LIN9: variants seen among roughly 807,000 people sequenced by gnomAD.
LIN9 encodes protein lin-9 homolog.
In LIN9, 18 loss-of-function variants were observed where a neutral mutation model predicts 78.0. The ratio of observed to expected loss-of-function variants is 0.23; its 90% confidence interval spans 0.16 to 0.34. The LOEUF is 0.34. Ranked by LOEUF, LIN9 falls within the 10% of genes least tolerant of loss-of-function variation. The pLI is 1.00. For missense variants in LIN9, 451 were observed against 644.1 expected (o/e 0.70, Z 3.25); for synonymous variants, 192 against 215.2 (o/e 0.89, Z 0.94).
intron 1 of LIN9, among the ~76,000 whole-genome samples, chr1:226,304,976 G>C (rs1203475053): frequency 1.3e-5 from 2 of 151,998 alleles, no homozygotes; most frequent in African/African-American, 4.8e-5. Context: ...AATGACTTGA[G>C]GGCAGGAGTT....
At chr1:226,236,984 T>C (rs1411173863) in intron 12 of LIN9, among the ~76,000 whole-genome samples, 1 of 152,234 alleles carries the variant, frequency 6.6e-6, no homozygotes, top group Non-Finnish European at 1.5e-5. Context: ...TAAATACATG[T>C]TGATGTATCT....
At position 226,265,205 on chromosome 1, in the gene LIN9, T is replaced by C. The variant is rs1012377276; in HGVS notation, c.1038+328A>G. Among the ~76,000 whole-genome samples, 3 of 152,196 alleles carry C rather than the reference T, an allele frequency of 2.0e-5. No individual in the cohort carries two copies. Among genetic ancestry groups the C allele is most frequent in the African/African-American group, 7.2e-5 (3 of 41,460 alleles). Reference sequence around the variant, plus strand: ...TGAACTGACTGATGATGGCAGAATATGCTGAGGTTACTAAATAAAAGCCTT... The same window carrying C: ...TGAACTGACTGATGATGGCAGAATACGCTGAGGTTACTAAATAAAAGCCTT... On this transcript the variant is annotated intron_variant, in intron 10 of 14. Coordinates refer to ENST00000681046, the MANE Select transcript of LIN9 (RefSeq NM_001366245.2). The surrounding 1 kb of genome is among the most constrained non-coding windows in gnomAD (Gnocchi z 4.1).
At position 226,303,232 on chromosome 1, in the gene LIN9, T is replaced by A. The variant is rs540989086; in HGVS notation, c.32-2027A>T. The stretch of plus-strand genomic sequence containing the variant: ...ACTCACTGAATATGTAGAGTACTGA[T>A]GGCATGCCAGTCCCTACCTGCTCTA... On this transcript the variant is annotated intron_variant, in intron 1 of 14. Transcript: ENST00000681046. Among the ~76,000 whole-genome samples, 12 of 152,316 alleles carry A rather than the reference T, an allele frequency of 7.9e-5. No homozygotes were observed. The South Asian group carries it at 1.7e-3, about 21-fold the overall frequency.
At chr1:226,234,823 T>C (rs1657578471) in intron 12 of LIN9, among the ~76,000 whole-genome samples, 1 of 152,046 alleles carries the variant, frequency 6.6e-6, no homozygotes, top group Non-Finnish European at 1.5e-5. Context: ...GCCACAGGGT[T>C]CACTCTAGTC....
In LIN9 at chr1:226,287,647, T is replaced by G. The variant is rs773142638; in HGVS notation, c.398+17A>C. The G allele has an allele frequency of 4.0e-6, 6 of 1,487,642 alleles. No individual in the cohort carries two copies. Among genetic ancestry groups the G allele is most frequent in the Non-Finnish European group, 5.4e-6 (6 of 1,112,774 alleles). 92.2% of individuals were successfully genotyped at this position (1,487,642 alleles called of 1,614,324 possible). On this transcript the variant is annotated intron_variant, in intron 5 of 14. Transcript: ENST00000681046. The stretch of plus-strand genomic sequence containing the variant: ...TCTGATTCAAGTAATATTCATAATA[T>G]AAGCCATGATACATACTTATCTATA...
chr1:226,266,464 A>G, intron 8 of LIN9, 132 bp from the exon 9 acceptor site: 1 of 544,290 alleles, frequency 1.8e-6, no homozygotes, highest in South Asian at 4.5e-5. Context: ...TTACTTATAT[A>G]TTTAATTATT....
chr1:226,241,020 G>A (rs1400895564), intron 11 of LIN9, among the ~76,000 whole-genome samples: 1 of 152,142 alleles, frequency 6.6e-6, no homozygotes, highest in Non-Finnish European at 1.5e-5. Flanking sequence ...GAATTCCTCT[G>A]CTACTATAGA....
At position 226,232,604 on chromosome 1, in the gene LIN9, C is replaced by A; in HGVS notation, c.1526G>T (p.Cys509Phe). Residue 509 changes from cysteine (C) to phenylalanine (F), a missense_variant and splice_region_variant, in exon 15 of 15, where the codon TGC becomes TTC. Transcript: ENST00000681046. Reference sequence around the variant, plus strand: ...ATGGATTTCTACATTATTCTGAAAGCAACTAAAGAAAGAAGAAACATGGTT... The same window carrying A: ...ATGGATTTCTACATTATTCTGAAAGAAACTAAAGAAAGAAGAAACATGGTT... ...KSTIDASNIS[C>F]FQNNVEIHVA... 1.3e-6 allele frequency: 2 copies of A among 1,582,106 alleles called. No individual in the cohort carries two copies. Among genetic ancestry groups the A allele is most frequent in the Non-Finnish European group, 1.7e-6 (2 of 1,161,888 alleles).
intron 10 of LIN9, among the ~76,000 whole-genome samples, chr1:226,258,894 CAAAAAAAAAAAAAA>C (rs770169450): frequency 5.7e-4 from 31 of 54,778 alleles, no homozygotes; most frequent in African/African-American, 2.0e-3. Context: ...TCTGTCTCAA[CAAAAAAAAAAAAAA>C]AAAAAAAAAA....
chr1:226,239,901 A>T (rs1657992553), intron 11 of LIN9, among the ~76,000 whole-genome samples: 1 of 152,242 alleles, frequency 6.6e-6, no homozygotes, highest in African/African-American at 2.4e-5. Context: ...CTAGTCAAGG[A>T]AAATTTAACA....
intron 7 of LIN9, among the ~76,000 whole-genome samples, chr1:226,272,046 CTTAACT>C (rs1191010793): frequency 2.1e-5 from 3 of 142,466 alleles, no homozygotes; most frequent in African/African-American, 8.0e-5. Context: ...TTCTCATTAT[CTTAACT>C]TTTTTTTTTT....
chr1:226,267,411 A>G (rs1660002709), intron 8 of LIN9, among the ~76,000 whole-genome samples: 1 of 127,154 alleles, frequency 7.9e-6, no homozygotes, highest in African/African-American at 2.9e-5. Flanking sequence ...CGACAGAGCA[A>G]GACTCCGTCT....
At chr1:226,275,888 C>T (rs1158963201) in intron 7 of LIN9, among the ~76,000 whole-genome samples, 3 of 151,186 alleles carry the variant, frequency 2.0e-5, no homozygotes, top group Non-Finnish European at 2.9e-5. Flanking sequence ...ATTAGCCAGG[C>T]GTGGTGGCGG....
rs143786584 is a variant in LIN9, at chr1:226,244,410, T to A, written c.1120-5314A>T. 6.9e-3 allele frequency among the ~76,000 whole-genome samples: 1,045 copies of A among 151,998 alleles called. 8 individuals carry two copies. The highest frequency in any genetic ancestry group is 7.7e-3 in the Non-Finnish European group (520 of 67,954). ...TCGTGCCTCTCCACTCCAGCCTGGG[T>A]GACAAAGCAAGACTCCGTCTCAAAA... On this transcript the variant is annotated intron_variant, in intron 11 of 14. Coordinates refer to ENST00000681046, the MANE Select transcript of LIN9 (RefSeq NM_001366245.2).
chr1:226,269,368 A>G (rs1660121468), intron 7 of LIN9, among the ~76,000 whole-genome samples: 1 of 152,248 alleles, frequency 6.6e-6, no homozygotes, highest in African/African-American at 2.4e-5. Context: ...TTATGGTGGC[A>G]TGAAGAGGCT....
chr1:226,239,106 G>GA lies in LIN9; in HGVS notation c.1120-11dup, dbSNP rs1187673368. 9.3e-6 allele frequency: 15 copies of GA among 1,607,346 alleles called. No homozygotes were observed. The highest frequency in any genetic ancestry group is 1.7e-5 in the Admixed American group (1 of 57,690). ...GCATGGAATATGATTTCTGAGAAGA[G>GA]AAAAAAATCAGATCTTGGTAAGAGT... On this transcript the variant is annotated splice_polypyrimidine_tract_variant and intron_variant, in intron 11 of 14. Transcript: ENST00000681046.
At chr1:226,285,116 T>C (rs1229137298) in intron 6 of LIN9, among the ~76,000 whole-genome samples, 1 of 152,152 alleles carries the variant, frequency 6.6e-6, no homozygotes, top group African/African-American at 2.4e-5. Flanking sequence ...GAATAGAAGA[T>C]CAATTAACGA....
intron 1 of LIN9, among the ~76,000 whole-genome samples, chr1:226,307,570 A>G (rs1053982206): frequency 6.6e-6 from 1 of 152,232 alleles, no homozygotes; most frequent in African/African-American, 2.4e-5. Flanking sequence ...TGGGAGGCAG[A>G]GGTTGCAATG....
intron 7 of LIN9, among the ~76,000 whole-genome samples, chr1:226,276,638 G>A (rs180756516): frequency 5.9e-5 from 9 of 152,168 alleles, no homozygotes; most frequent in Admixed American, 3.9e-4. Flanking sequence ...TGTAACTCCA[G>A]GTTCCCTTCC....
Sources: allele counts gnomAD v4.1 joint callset (sites outside exome capture counted in the v4.1 genomes callset), GRCh38; gene constraint gnomAD v4.1.1; non-coding constraint Gnocchi (gnomAD v3.1); transcripts MANE v1.5; gene names NCBI Gene and HGNC (gene_info 2026-07-23, HGNC 2026-07-21).